SPICE1: variants seen among roughly 807,000 people sequenced by gnomAD.
The protein encoded by SPICE1 is spindle and centriole-associated protein 1.
In SPICE1, 75 loss-of-function variants were observed where a neutral mutation model predicts 102.7. That is an observed-to-expected ratio of 0.73 (90% CI 0.61 to 0.88). SPICE1 has a LOEUF of 0.88. Among genes scored for constraint, SPICE1 ranks in the 40% least tolerant of loss-of-function variants. SPICE1 has a pLI of 0.00. For synonymous variants in SPICE1, 308 were observed against 350.3 expected (o/e 0.88, Z 1.35); for missense variants, 979 against 1,020.1 (o/e 0.96, Z 0.55).
intron 17 of SPICE1, among the ~76,000 whole-genome samples, chr3:113,445,946 A>C (rs943211526): frequency 1.3e-5 from 2 of 152,190 alleles, no homozygotes; most frequent in Admixed American, 1.3e-4. Context: ...TAACTTTTAC[A>C]ATTTTAAAGA....
intron 6 of SPICE1, 57 bp downstream of exon 6, chr3:113,493,149 T>A: frequency 1.6e-6 from 2 of 1,259,944 alleles, no homozygotes; most frequent in Non-Finnish European, 1.1e-6. Context: ...ACAAGGCCTA[T>A]ATCAACTTAA....
At chr3:113,453,433 T>C (rs1337690260) in intron 14 of SPICE1, 33 bp downstream of exon 14, 2 of 1,544,938 alleles carry the variant, frequency 1.3e-6, no homozygotes, top group African/African-American at 2.8e-5. Context: ...TAAATTCCTA[T>C]ATGTCCCTAA....
At chr3:113,485,301 C>T (rs546160918) in intron 7 of SPICE1, among the ~76,000 whole-genome samples, 2 of 152,146 alleles carry the variant, frequency 1.3e-5, no homozygotes, top group Admixed American at 6.5e-5. Flanking sequence ...TCCCACACCA[C>T]GGAGCCCAGC....
At chr3:113,497,674 T>G (rs1018079774) in intron 4 of SPICE1, among the ~76,000 whole-genome samples, 1 of 132,504 alleles carries the variant, frequency 7.5e-6, no homozygotes, top group African/African-American at 2.8e-5. Flanking sequence ...TATATATGCA[T>G]ACATACATAG....
intron 7 of SPICE1, among the ~76,000 whole-genome samples, chr3:113,478,340 A>C (rs906429274): frequency 6.6e-6 from 1 of 152,178 alleles, no homozygotes; most frequent in Non-Finnish European, 1.5e-5. Flanking sequence ...AGAAGGCTAA[A>C]TATATTAAAC....
At chr3:113,465,566 C>T in intron 11 of SPICE1, 87 bp downstream of exon 11, 1 of 1,256,266 alleles carries the variant, frequency 8.0e-7, no homozygotes, top group Non-Finnish European at 1.1e-6. Flanking sequence ...TACAGTTAAA[C>T]CAAAAGCAAC....
At chr3:113,459,838 C>T (rs1425313593) in intron 12 of SPICE1, 9 of 968,142 alleles carry the variant, frequency 9.3e-6, no homozygotes, top group African/African-American at 1.8e-5. Context: ...GCCGAGAGGG[C>T]GCCACTACAC....
At position 113,457,858 on chromosome 3, in the gene SPICE1, C is replaced by A. The variant is rs1935817058; in HGVS notation, c.1436-501G>T. 3.3e-5 allele frequency among the ~76,000 whole-genome samples: 5 copies of A among 152,206 alleles called. No individual in the cohort carries two copies. In the South Asian group the frequency reaches 1.0e-3, roughly 32 times the overall value. On this transcript the variant is annotated intron_variant, in intron 12 of 17. Coordinates refer to ENST00000295872, the MANE Select transcript of SPICE1 (RefSeq NM_144718.4). ...TATTCGTTGTAAAGACGGGGTTCACCATGCTGCCTAGGCTGGTAGAATTTT... is the reference window on the plus strand; with the variant it reads ...TATTCGTTGTAAAGACGGGGTTCACAATGCTGCCTAGGCTGGTAGAATTTT...
intron 7 of SPICE1, among the ~76,000 whole-genome samples, chr3:113,477,361 T>C (rs1936377713): frequency 6.6e-6 from 1 of 152,026 alleles, no homozygotes; most frequent in African/African-American, 2.4e-5. Flanking sequence ...GTTCAACCAT[T>C]GTGGAAGTCA....
intron 12 of SPICE1, 27 bp from the exon 13 acceptor site, chr3:113,457,384 C>CAAT: frequency 1.2e-6 from 2 of 1,606,286 alleles, no homozygotes; most frequent in Non-Finnish European, 1.7e-6. Context: ...GATATTAGTA[C>CAAT]AATAGGAACA....
intron 2 of SPICE1, among the ~76,000 whole-genome samples, chr3:113,504,360 T>C (rs1221483368): frequency 6.6e-6 from 1 of 152,120 alleles, no homozygotes; most frequent in East Asian, 1.9e-4. Flanking sequence ...AAGACTAAAC[T>C]TTTTGGCCAT....
At chr3:113,483,408 G>T (rs1936567493) in intron 7 of SPICE1, among the ~76,000 whole-genome samples, 1 of 152,064 alleles carries the variant, frequency 6.6e-6, no homozygotes, top group East Asian at 1.9e-4. Context: ...TCTGTCTCTT[G>T]CCTGATTGTC....
At position 113,448,144 on chromosome 3, in the gene SPICE1, A is replaced by C. The variant is rs1281674075; in HGVS notation, c.2324-4T>G. The C allele has an allele frequency of 6.3e-7, 1 of 1,584,648 alleles. No individual in the cohort carries two copies. The highest frequency in any genetic ancestry group is 2.2e-5 in the East Asian group (1 of 44,640). On this transcript the variant is annotated splice_region_variant and splice_polypyrimidine_tract_variant and intron_variant, in intron 15 of 17. Coordinates refer to ENST00000295872, the MANE Select transcript of SPICE1 (RefSeq NM_144718.4). Reference sequence around the variant, plus strand: ...TCAATTGTCCTCTTTGCTCCTTCTAAAATATAAAAATAAATATTAGTTCCA... The same window carrying C: ...TCAATTGTCCTCTTTGCTCCTTCTACAATATAAAAATAAATATTAGTTCCA...
At chr3:113,482,103 A>G (rs1293324291) in intron 7 of SPICE1, among the ~76,000 whole-genome samples, 1 of 152,220 alleles carries the variant, frequency 6.6e-6, no homozygotes, top group Non-Finnish European at 1.5e-5. Context: ...AATGATCGCC[A>G]TTCTAACTGG....
chr3:113,494,722 TTAAA>T (rs1278782243), intron 4 of SPICE1, among the ~76,000 whole-genome samples: 8 of 152,084 alleles, frequency 5.3e-5, no homozygotes, highest in African/African-American at 1.9e-4. Context: ...AAAGTTTTAA[TTAAA>T]TAAAAAGTTA....
chr3:113,448,339 T>C (rs1935566662), intron 15 of SPICE1, among the ~76,000 whole-genome samples, 199 bp from the exon 16 acceptor site: 1 of 151,968 alleles, frequency 6.6e-6, no homozygotes, highest in Admixed American at 6.6e-5. Context: ...TTACTAGTGT[T>C]AATTCAGTAG....
intron 11 of SPICE1, among the ~76,000 whole-genome samples, chr3:113,463,262 T>C (rs533539890): frequency 1.4e-3 from 213 of 152,344 alleles, no homozygotes; most frequent in African/African-American, 4.5e-3. Context: ...CTTCAACTTT[T>C]TGTTTTTAGG....
chr3:113,514,807 C>T, intron 1 of SPICE1, 90 bp downstream of exon 1: 2 of 1,270,808 alleles, frequency 1.6e-6, no homozygotes, highest in Non-Finnish European at 2.0e-6. Context: ...CAGCTCTGTG[C>T]AAAAGCTCCC....
intron 15 of SPICE1, chr3:113,449,312 C>A (rs1935587021): frequency 7.1e-6 from 1 of 141,560 alleles, no homozygotes; most frequent in South Asian, 2.1e-4. Flanking sequence ...TACATGTTCG[C>A]ACATAGTACA....
Sources: gnomAD v4.1 joint callset for allele counts (sites outside exome capture counted in the v4.1 genomes callset) on GRCh38, gnomAD v4.1.1 for gene constraint, MANE v1.5 for transcripts, NCBI Gene and HGNC (gene_info 2026-07-23, HGNC 2026-07-21) for gene names.